Variants in GLIS3 observed in about 807,000 individuals in gnomAD.
The protein encoded by GLIS3 is GLIS family zinc finger 3.
GLIS3 carries 53 observed loss-of-function variants against 78.6 expected under a neutral mutation model. That is an observed-to-expected ratio of 0.67 (90% CI 0.54 to 0.85). The LOEUF is 0.85. GLIS3 is among the 40% of genes least tolerant of loss of function. GLIS3 has a pLI of 0.00. For missense variants in GLIS3, 1,703 were observed against 1,231.1 expected, an observed-to-expected ratio of 1.38 and a Z score of -5.74; for synonymous variants, 684 against 509.9, an observed-to-expected ratio of 1.34 and a Z score of -4.60.
chr9:3,834,814 C>CT, intron 9 of GLIS3, among the ~76,000 whole-genome samples: 1 of 152,214 alleles, frequency 6.6e-6, no homozygotes, highest in East Asian at 1.9e-4. Flanking sequence ...CCTCAAGAAG[C>CT]TGAGGAATGT....
At chr9:4,245,004 T>C (rs1392687944) in intron 2 of GLIS3, among the ~76,000 whole-genome samples, 1 of 152,246 alleles carries the variant, frequency 6.6e-6, no homozygotes, top group East Asian at 1.9e-4. Flanking sequence ...ATGATTGATG[T>C]AGACCCCAAG....
intron 2 of GLIS3, among the ~76,000 whole-genome samples, chr9:4,220,036 T>C (rs990422457): frequency 1.1e-4 from 16 of 152,234 alleles, no homozygotes; most frequent in Admixed American, 9.2e-4. Flanking sequence ...AAGTAAGGAA[T>C]TGATCAAAGA....
chr9:4,369,029 T>C, the GLIS3 span, among the ~76,000 whole-genome samples: 1 of 152,242 alleles, frequency 6.6e-6, no homozygotes, highest in Non-Finnish European at 1.5e-5. Context: ...TCCATTTCTC[T>C]ATTTCTAAAT....
intron 2 of GLIS3, among the ~76,000 whole-genome samples, chr9:4,328,976 G>A (rs996278903): frequency 6.6e-5 from 10 of 152,194 alleles, no homozygotes; most frequent in African/African-American, 2.4e-4. Flanking sequence ...AGCTCTTGAG[G>A]TGAGTGTAGG....
intron 9 of GLIS3, among the ~76,000 whole-genome samples, chr9:3,849,023 T>C (rs1439643657): frequency 6.6e-6 from 1 of 152,182 alleles, no homozygotes; most frequent in Non-Finnish European, 1.5e-5. Flanking sequence ...GCTGCACTGA[T>C]TTCAAACAGC....
intron 4 of GLIS3, among the ~76,000 whole-genome samples, chr9:4,090,884 T>C (rs1338409358): frequency 6.6e-6 from 1 of 152,230 alleles, no homozygotes; most frequent in African/African-American, 2.4e-5. Flanking sequence ...GTTTCATGCA[T>C]AGCACAGTCG....
At chr9:4,059,829 T>TGTGTGTGTGAGTGA in intron 4 of GLIS3, among the ~76,000 whole-genome samples, 2 of 100,710 alleles carry the variant, frequency 2.0e-5, no homozygotes, top group Non-Finnish European at 2.1e-5. Context: ...TGTGTGTGTG[T>TGTGTGTGTGAGTGA]GAGAGAGAGA....
At chr9:3,871,501 T>C (rs1295035619) in intron 8 of GLIS3, among the ~76,000 whole-genome samples, 1 of 152,186 alleles carries the variant, frequency 6.6e-6, no homozygotes, top group Non-Finnish European at 1.5e-5. Context: ...TCCACACATC[T>C]TCTGAAATCT....
chr9:4,078,194 C>A (rs896468179), intron 4 of GLIS3, among the ~76,000 whole-genome samples: 25 of 152,170 alleles, frequency 1.6e-4, no homozygotes, highest in African/African-American at 6.0e-4. Context: ...GTCTTAAAAT[C>A]ATTTTTTTCA....
At chr9:4,182,466 C>G (rs549082627) in intron 2 of GLIS3, among the ~76,000 whole-genome samples, 1 of 152,172 alleles carries the variant, frequency 6.6e-6, no homozygotes, top group Non-Finnish European at 1.5e-5. Flanking sequence ...CTTCTCCACA[C>G]TGTCGGGGAT....
intron 4 of GLIS3, among the ~76,000 whole-genome samples, chr9:4,045,199 A>AAAGCC (rs1249549042): frequency 1.3e-5 from 2 of 152,190 alleles, no homozygotes; most frequent in African/African-American, 4.8e-5. Flanking sequence ...TTGATATTGC[A>AAAGCC]TCCTTATCGT....
At chr9:4,128,012 G>T (rs923763658) in intron 2 of GLIS3, among the ~76,000 whole-genome samples, 2 of 152,188 alleles carry the variant, frequency 1.3e-5, no homozygotes, top group African/African-American at 2.4e-5. Context: ...AACATGAACT[G>T]CCAGTCCAAC....
upstream of GLIS3, among the ~76,000 whole-genome samples, chr9:4,302,313 C>T (rs1408825463): frequency 6.6e-6 from 1 of 152,206 alleles, no homozygotes; most frequent in Non-Finnish European, 1.5e-5. Context: ...TCTCTAGAGA[C>T]CAGTGTTGTA....
chr9:4,246,552 CGTGA>C lies in GLIS3; in HGVS notation c.388+39482_388+39485del, dbSNP rs763083694. Among the ~76,000 whole-genome samples, 290 of 152,172 alleles carry C rather than the reference CGTGA, an allele frequency of 1.9e-3. 1 individual carries two copies. The highest frequency in any genetic ancestry group is 2.7e-3 in the Non-Finnish European group (183 of 67,982). The stretch of plus-strand genomic sequence containing the variant: ...CTAATGTCTCCCTTAAAACATAAGC[CGTGA>C]GTAATCGCTTGAGAAGCCATAGCCC... On this transcript the variant is annotated intron_variant, in intron 2 of 10. Coordinates refer to ENST00000381971, the MANE Select transcript of GLIS3 (RefSeq NM_001042413.2).
chr9:4,094,006 T>A (rs994745050), intron 4 of GLIS3, among the ~76,000 whole-genome samples: 1 of 152,212 alleles, frequency 6.6e-6, no homozygotes, highest in Admixed American at 6.5e-5. Flanking sequence ...TTTTTCATCA[T>A]CCTCGTTGAA....
intron 2 of GLIS3, among the ~76,000 whole-genome samples, chr9:4,216,498 GAAAAGAAAAGA>G (rs1820857403): frequency 7.3e-6 from 1 of 137,900 alleles, no homozygotes; most frequent in Admixed American, 7.3e-5. Flanking sequence ...AAAAAGAAAA[GAAAAGAAAAGA>G]AAAAGAAAAA....
chr9:4,151,744 G>GT (rs543361971), intron 2 of GLIS3, among the ~76,000 whole-genome samples: 267 of 152,272 alleles, frequency 1.8e-3, no homozygotes, highest in African/African-American at 6.0e-3. Context: ...ATGTCTATGA[G>GT]TTTGGATAGA....
chr9:4,297,908 G>A (rs1025450824), intron 1 of GLIS3, among the ~76,000 whole-genome samples: 5 of 152,050 alleles, frequency 3.3e-5, no homozygotes, highest in African/African-American at 1.2e-4. Context: ...TGGCTTCGCT[G>A]CCGGGGTCGG....
chr9:4,407,536 A>C, the GLIS3 span, among the ~76,000 whole-genome samples: 1 of 152,150 alleles, frequency 6.6e-6, no homozygotes, highest in Non-Finnish European at 1.5e-5. Context: ...AGTCCCAGCT[A>C]CTCGGGAGGC....
Sources: gnomAD v4.1 joint callset for allele counts (sites outside exome capture counted in the v4.1 genomes callset) on GRCh38, gnomAD v4.1.1 for gene constraint, MANE v1.5 for transcripts, NCBI Gene and HGNC (gene_info 2026-07-23, HGNC 2026-07-21) for gene names.